The following ROBO1 variants were observed in gnomAD, a reference collection of about 807,000 sequenced individuals.
ROBO1 encodes roundabout guidance receptor 1, also known as roundabout homolog 1.
ROBO1 carries 149 observed loss-of-function variants against 195.9 expected under a neutral mutation model. The ratio of observed to expected loss-of-function variants is 0.76; its 90% confidence interval spans 0.67 to 0.87. ROBO1 has a LOEUF of 0.87. ROBO1 is among the 40% of genes least tolerant of loss of function. The probability of loss-of-function intolerance (pLI) is 0.00; values close to 1 mark genes in which losing one functional copy is unlikely to be tolerated. For missense variants in ROBO1, 1,933 were observed against 2,068.3 expected (o/e 0.93, Z 1.27); for synonymous variants, 816 against 733.2 (o/e 1.11, Z -1.82).
chr3:78,920,125 A>T (rs2038852926), intron 4 of ROBO1, among the ~76,000 whole-genome samples: 1 of 152,202 alleles, frequency 6.6e-6, no homozygotes, highest in South Asian at 2.1e-4. Flanking sequence ...AGTAACAATT[A>T]TATTCCCAAA....
chr3:78,643,002 T>C (rs1706059067), intron 21 of ROBO1, among the ~76,000 whole-genome samples: 2 of 152,174 alleles, frequency 1.3e-5, no homozygotes, highest in South Asian at 2.1e-4. Context: ...CAAAAATTAA[T>C]CATTCATGTG....
chr3:79,508,508 A>G (rs975763261), intron 2 of ROBO1, among the ~76,000 whole-genome samples: 1 of 152,210 alleles, frequency 6.6e-6, no homozygotes, highest in African/African-American at 2.4e-5. Context: ...AGTAACAAAG[A>G]TCTTTGAACT....
At chr3:79,308,149 G>C (rs374729652) in intron 2 of ROBO1, among the ~76,000 whole-genome samples, 18 of 152,222 alleles carry the variant, frequency 1.2e-4, no homozygotes, top group African/African-American at 4.1e-4. Flanking sequence ...TGTAGTACTT[G>C]TAAGGAGTTG....
intron 1 of ROBO1, among the ~76,000 whole-genome samples, chr3:79,751,544 A>G (rs2107477099): frequency 1.3e-5 from 2 of 152,286 alleles, no homozygotes; most frequent in South Asian, 4.1e-4. Flanking sequence ...AAGTCCATAA[A>G]GCAAATATAT....
intron 1 of ROBO1, among the ~76,000 whole-genome samples, chr3:79,678,927 T>G (rs1021084958): frequency 1.3e-5 from 2 of 152,064 alleles, no homozygotes; most frequent in Non-Finnish European, 2.9e-5. Flanking sequence ...TATAAAACAC[T>G]TAAAGTGTCA....
intron 29 of ROBO1, among the ~76,000 whole-genome samples, chr3:78,604,546 T>A (rs1703360560): frequency 6.6e-6 from 1 of 152,148 alleles, no homozygotes; most frequent in African/African-American, 2.4e-5. Context: ...ATAAGTAAGT[T>A]TTTCAAGCTT....
At chr3:78,648,618 G>A (rs1225416419) in intron 19 of ROBO1, among the ~76,000 whole-genome samples, 1 of 150,984 alleles carries the variant, frequency 6.6e-6, no homozygotes, top group African/African-American at 2.4e-5. Context: ...TCATTTCATA[G>A]AGGGAGGAGA....
In ROBO1 at chr3:78,646,196, ATGTT is replaced by A; in HGVS notation, c.2840-10_2840-7del. On this transcript the variant is annotated splice_region_variant and splice_polypyrimidine_tract_variant and intron_variant, in intron 20 of 30. Transcript: ENST00000464233. The stretch of plus-strand genomic sequence containing the variant: ...GCCTCCTCTCTGGTAAGTTACTAGA[ATGTT>A]ACGAAAAAAAAAAGGAACAATTAAT... 1 of 1,605,532 alleles carries A rather than the reference ATGTT, an allele frequency of 6.2e-7. No homozygotes were observed. Among genetic ancestry groups the A allele is most frequent in the Middle Eastern group, 1.7e-4 (1 of 6,010 alleles).
At chr3:78,872,508 G>T (rs2035612459) in intron 4 of ROBO1, among the ~76,000 whole-genome samples, 1 of 152,186 alleles carries the variant, frequency 6.6e-6, no homozygotes. Context: ...TTGTTACAAG[G>T]TTGATGACCT....
At chr3:78,889,728 A>C (rs1482268276) in intron 4 of ROBO1, among the ~76,000 whole-genome samples, 1 of 151,824 alleles carries the variant, frequency 6.6e-6, no homozygotes, top group South Asian at 2.1e-4. Flanking sequence ...AAAAAAAAAA[A>C]CGAGTGGGGA....
At chr3:79,495,788 T>C (rs549766322) in intron 2 of ROBO1, among the ~76,000 whole-genome samples, 7 of 152,322 alleles carry the variant, frequency 4.6e-5, no homozygotes, top group Admixed American at 1.3e-4. Flanking sequence ...TATAAATCAA[T>C]ATATTCTTCT....
chr3:79,459,291 T>C (rs548402686), intron 2 of ROBO1, among the ~76,000 whole-genome samples: 1 of 152,264 alleles, frequency 6.6e-6, no homozygotes, highest in Non-Finnish European at 1.5e-5. Flanking sequence ...GTATCATGCT[T>C]TGACTTGTGG....
intron 1 of ROBO1, among the ~76,000 whole-genome samples, chr3:79,750,661 C>G (rs1704093981): frequency 6.6e-6 from 1 of 152,180 alleles, no homozygotes; most frequent in African/African-American, 2.4e-5. Flanking sequence ...TTTGCCTGCA[C>G]AAGCTCTTTG....
At chr3:78,979,062 A>T (rs2107971501) in intron 3 of ROBO1, among the ~76,000 whole-genome samples, 1 of 152,290 alleles carries the variant, frequency 6.6e-6, no homozygotes, top group South Asian at 2.1e-4. Context: ...TGCAAGTATG[A>T]ATTGGTTCAA....
chr3:79,472,291 A>G (rs558328699), intron 2 of ROBO1, among the ~76,000 whole-genome samples: 1 of 152,254 alleles, frequency 6.6e-6, no homozygotes, highest in African/African-American at 2.4e-5. Context: ...TTAGGATTAG[A>G]AATTCAGAGG....
At chr3:78,602,381 C>G (rs1030360024) in intron 29 of ROBO1, among the ~76,000 whole-genome samples, 3 of 152,178 alleles carry the variant, frequency 2.0e-5, no homozygotes, top group Non-Finnish European at 2.9e-5. Context: ...GAGGTCTCCT[C>G]AGAAGCCAAG....
chr3:79,437,092 T>G (rs2038913969), intron 2 of ROBO1, among the ~76,000 whole-genome samples: 1 of 152,072 alleles, frequency 6.6e-6, no homozygotes, highest in Non-Finnish European at 1.5e-5. Context: ...ATCATAACAT[T>G]GGCACAGACT....
intron 1 of ROBO1, among the ~76,000 whole-genome samples, chr3:79,624,704 T>G (rs1352662697): frequency 6.6e-6 from 1 of 151,510 alleles, no homozygotes; most frequent in African/African-American, 2.4e-5. Flanking sequence ...TAAAACAAGT[T>G]CTTAGAGACC....
intron 15 of ROBO1, 137 bp downstream of exon 15, chr3:78,661,856 C>T (rs1707423776): frequency 3.2e-5 from 33 of 1,017,738 alleles, no homozygotes; most frequent in South Asian, 1.1e-4. Context: ...AAACTAATAG[C>T]TACTGTAATA....
Sources: allele counts gnomAD v4.1 joint callset (sites outside exome capture counted in the v4.1 genomes callset), GRCh38; gene constraint gnomAD v4.1.1; transcripts MANE v1.5; gene names NCBI Gene and HGNC (gene_info 2026-07-23, HGNC 2026-07-21).